The following UTP14A variants were observed in gnomAD, a reference collection of about 807,000 sequenced individuals.
UTP14A encodes the protein U3 small nucleolar RNA-associated protein 14 homolog A.
A neutral mutation model predicts 57.2 loss-of-function variants in UTP14A; 5 were observed. The observed-to-expected ratio is 0.09, with a 90% CI of 0.05 to 0.18. The LOEUF (loss-of-function observed/expected upper bound fraction) is 0.18. UTP14A is among the 10% of genes least tolerant of loss of function. The pLI is 1.00. For missense variants in UTP14A, 430 were observed against 562.1 expected (o/e 0.76, Z 2.38); for synonymous variants, 169 against 210.9 (o/e 0.80, Z 1.72).
At chrX:129,929,138 C>A (rs1212690749) in intron 14 of UTP14A, among the ~76,000 whole-genome samples, 198 bp from the exon 15 acceptor site, 2 of 111,686 alleles carry the variant, frequency 1.8e-5, no homozygotes, top group Non-Finnish European at 3.8e-5. Flanking sequence ...CCCCCCTACT[C>A]CCAAATGTCA....
intron 6 of UTP14A, among the ~76,000 whole-genome samples, chrX:129,916,509 C>T (rs1218410321): frequency 3.6e-5 from 4 of 111,567 alleles, no homozygotes; most frequent in African/African-American, 1.3e-4. Flanking sequence ...TCACTGTCTC[C>T]CTCTCCGCCA....
rs1300214241 is a variant in UTP14A, at chrX:129,928,390, A to AG, written c.2044-946_2044-945insG. On this transcript the variant is annotated intron_variant, in intron 14 of 14. Transcript: ENST00000394422. ...ACAGAGCGAGACTCCATCTCAAAAAAAAAAAAAAAAAAAAAAAAAAGATGA... is the reference window on the plus strand; with the variant it reads ...ACAGAGCGAGACTCCATCTCAAAAAAGAAAAAAAAAAAAAAAAAAAAGATGA... 1.5e-4 allele frequency among the ~76,000 whole-genome samples: 15 copies of AG among 98,324 alleles called. No individual in the cohort carries two copies. The Admixed American group carries it at 1.6e-3, about 10-fold the overall frequency. The allele number at this position is 98,324 out of a possible 115,157, so 85.4% of individuals were successfully genotyped here.
At chrX:129,925,621 CCTA>C (rs1930074735) in intron 12 of UTP14A, among the ~76,000 whole-genome samples, 1 of 112,331 alleles carries the variant, frequency 8.9e-6, no homozygotes, top group South Asian at 3.6e-4. Context: ...CTGGAGGAAG[CCTA>C]CAGTCTGGCC....
chrX:129,909,542 C>T (rs1157631533), intron 4 of UTP14A, among the ~76,000 whole-genome samples: 1 of 111,276 alleles, frequency 9.0e-6, no homozygotes, highest in East Asian at 2.8e-4. Context: ...TATCCCTCCC[C>T]CTGTGCCCCT....
chrX:129,925,451 C>T (rs766389941), intron 12 of UTP14A, among the ~76,000 whole-genome samples: 6 of 112,005 alleles, frequency 5.4e-5, no homozygotes, highest in Admixed American at 1.9e-4. Flanking sequence ...GAGGGAGTAA[C>T]TCAGAGTTCT....
chrX:129,920,349 C>T (rs776396154), intron 8 of UTP14A, 108 bp from the exon 9 acceptor site: 36 of 1,085,911 alleles, frequency 3.3e-5, no homozygotes, highest in Non-Finnish European at 4.4e-5. Flanking sequence ...CTCTATGATG[C>T]CCATTCCAGC....
chrX:129,911,450 A>C (rs752215679), intron 5 of UTP14A, among the ~76,000 whole-genome samples: 26 of 110,891 alleles, frequency 2.3e-4, no homozygotes, highest in Non-Finnish European at 4.5e-4. Context: ...GGTGTGGTGT[A>C]ATCCCAGCTA....
chrX:129,908,818 T>C (rs1929352343), intron 4 of UTP14A, 84 bp downstream of exon 4: 1 of 901,377 alleles, frequency 1.1e-6, no homozygotes, highest in African/African-American at 2.0e-5. Flanking sequence ...CCCTAGGAAC[T>C]GTTTTTGATG....
At chrX:129,907,548 A>G in intron 2 of UTP14A, 106 bp downstream of exon 2, 3 of 679,123 alleles carry the variant, frequency 4.4e-6, no homozygotes, top group Non-Finnish European at 6.6e-6. Context: ...CTCTCAAATA[A>G]ATTGCAAATG....
chrX:129,908,231 G>C lies in UTP14A; in HGVS notation c.173+101G>C. On this transcript the variant is annotated intron_variant, in intron 3 of 14. Transcript: ENST00000394422. ...GCTTCATGTAAAGACCTTAATACCA[G>C]TGCCTAGCATATAGTAAGCATTATA... The C allele has an allele frequency of 4.7e-6, 3 of 632,605 alleles. No homozygotes were observed. The South Asian group carries it at 9.3e-5, about 20-fold the overall frequency. 52.1% of individuals were successfully genotyped at this position (632,605 alleles called of 1,213,427 possible).
intron 14 of UTP14A, 46 bp from the exon 15 acceptor site, chrX:129,929,290 G>T (rs368672113): frequency 2.5e-6 from 3 of 1,186,881 alleles, no homozygotes; most frequent in Non-Finnish European, 3.4e-6. Context: ...GTATACAACT[G>T]CACCCCAGGC....
intron 4 of UTP14A, 75 bp from the exon 5 acceptor site, chrX:129,910,933 T>G: frequency 8.7e-7 from 1 of 1,145,988 alleles, no homozygotes; most frequent in Non-Finnish European, 1.2e-6. Flanking sequence ...CATTTTCTAC[T>G]GAGGCTTCTC....
At chrX:129,909,865 T>G (rs940349476) in intron 4 of UTP14A, among the ~76,000 whole-genome samples, 1 of 112,198 alleles carries the variant, frequency 8.9e-6, no homozygotes, top group African/African-American at 3.2e-5. Context: ...CAAATAACAA[T>G]GTATTCCAAG....
In UTP14A at chrX:129,919,379, G is replaced by A. The variant is rs1929824758; in HGVS notation, c.658-16G>A. On this transcript the variant is annotated splice_polypyrimidine_tract_variant and intron_variant, in intron 7 of 14. Coordinates refer to ENST00000394422, the MANE Select transcript of UTP14A (RefSeq NM_006649.4). The stretch of plus-strand genomic sequence containing the variant: ...TCCTCTGGCCCAGGTGTCACTGTAA[G>A]TCTCATTTGTTGTAGGCAAAGATGC... 1 of 1,210,015 alleles carries A rather than the reference G, an allele frequency of 8.3e-7. No homozygotes were observed. Among genetic ancestry groups the A allele is most frequent in the Admixed American group, 2.2e-5 (1 of 45,653 alleles).
rs1162525910 is a variant in UTP14A, at chrX:129,924,926, C to T, written c.1480C>T (p.Pro494Ser). 4 of 1,211,191 alleles carry T rather than the reference C, an allele frequency of 3.3e-6. No homozygotes were observed. Among genetic ancestry groups the T allele is most frequent in the South Asian group, 1.8e-5 (1 of 56,945 alleles). The part of the protein sequence containing the change: ...IPQVQREEPA[P>S]EEEEPLLLQR... ...CCAGGTCCAGAGAGAGGAACCTGCC[C>T]CAGAAGAAGAGGAGCCCCTGTTGCT... The change falls in exon 12 of 15, where the codon CCA becomes TCA. Residue 494 changes from proline to serine, a missense_variant. Around this residue, in one of 4 missense-constraint regions of UTP14A, gnomAD observed 120 missense variants for 116.8 expected, o/e 1.03. Coordinates refer to ENST00000394422, the MANE Select transcript of UTP14A (RefSeq NM_006649.4).
At position 129,926,124 on chromosome X, in the gene UTP14A, G is replaced by A. The variant is rs371215770; in HGVS notation, c.1943+12G>A. The A allele has an allele frequency of 4.1e-6, 5 of 1,208,412 alleles. No individual in the cohort carries two copies. The highest frequency in any genetic ancestry group is 5.9e-5 in the East Asian group (2 of 33,758). On this transcript the variant is annotated intron_variant, in intron 13 of 14. Coordinates refer to ENST00000394422, the MANE Select transcript of UTP14A (RefSeq NM_006649.4). ...AAGAAAAGACGCCGGTAAGAATGCCGAAGAAAGTCTGTCAAAAGGGCACCG... is the reference window on the plus strand; with the variant it reads ...AAGAAAAGACGCCGGTAAGAATGCCAAAGAAAGTCTGTCAAAAGGGCACCG...
chrX:129,929,071 G>A (rs1930220836), intron 14 of UTP14A, among the ~76,000 whole-genome samples: 1 of 111,534 alleles, frequency 9.0e-6, no homozygotes, highest in Admixed American at 9.5e-5. Flanking sequence ...GCAGTGTCAG[G>A]GTGGTTTTTC....
intron 6 of UTP14A, among the ~76,000 whole-genome samples, chrX:129,915,519 T>A: frequency 1.2e-5 from 1 of 84,901 alleles, no homozygotes; most frequent in Non-Finnish European, 2.2e-5. Context: ...AGCGAGACTC[T>A]GTCTCAAAAA....
Position 129,911,892 on chromosome X carries a change from C to T in UTP14A, c.508C>T (p.Pro170Ser). Residue 170 changes from proline to serine, a missense_variant, in exon 6 of 15, where the codon CCC becomes TCC. Around this residue, in one of 4 missense-constraint regions of UTP14A, gnomAD observed 145 missense variants for 153.5 expected, o/e 0.94. Coordinates refer to ENST00000394422, the MANE Select transcript of UTP14A (RefSeq NM_006649.4). ...PLEKEEPAIA[P>S]IEHVLSGWKA... ...GGAGAAAGAGGAGCCAGCCATTGCT[C>T]CCATTGAACATGTGCTCAGTGGCTG... 8.3e-7 allele frequency: 1 copy of T among 1,211,414 alleles called. No homozygotes were observed. The highest frequency in any genetic ancestry group is 1.1e-6 in the Non-Finnish European group (1 of 895,418).
Sources: gnomAD v4.1 joint callset for allele counts (sites outside exome capture counted in the v4.1 genomes callset) on GRCh38, gnomAD v4.1.1 for gene constraint, gnomAD v4.1.1 regional missense constraint, MANE v1.5 for transcripts, NCBI Gene and HGNC (gene_info 2026-07-23, HGNC 2026-07-21) for gene names.